Variants in GON4L observed in about 807,000 individuals in gnomAD.
GON4L encodes the protein GON-4-like protein.
In GON4L, 87 loss-of-function variants were observed where a neutral mutation model predicts 211.8. The ratio of observed to expected loss-of-function variants is 0.41; its 90% confidence interval spans 0.35 to 0.49. The LOEUF is 0.49. GON4L is among the 20% of genes least tolerant of loss of function. The pLI is 0.15. For missense variants in GON4L, 2,155 were observed against 2,659.5 expected, an observed-to-expected ratio of 0.81 and a Z score of 4.17; for synonymous variants, 875 against 962.6, an observed-to-expected ratio of 0.91 and a Z score of 1.68.
At chr1:155,800,505 C>T (rs751621014) in intron 11 of GON4L, among the ~76,000 whole-genome samples, 3 of 148,184 alleles carry the variant, frequency 2.0e-5, no homozygotes, top group South Asian at 4.3e-4. Flanking sequence ...TGCGGTGAGC[C>T]GAGATCGCGC....
intron 14 of GON4L, among the ~76,000 whole-genome samples, chr1:155,782,192 T>C (rs530931667): frequency 3.3e-5 from 5 of 152,362 alleles, no homozygotes; most frequent in African/African-American, 9.6e-5. Flanking sequence ...TTACTATCTA[T>C]GGACTTACAG....
At chr1:155,819,963 G>A (rs1343188705) in intron 6 of GON4L, among the ~76,000 whole-genome samples, 3 of 152,266 alleles carry the variant, frequency 2.0e-5, no homozygotes, top group African/African-American at 7.2e-5. Context: ...TGCCCAGGCT[G>A]TAGTGCAGTG....
Position 155,749,721 on chromosome 1 carries a change from C to G in GON4L, c.*863G>C. 1.0e-6 allele frequency: 1 copy of G among 982,338 alleles called. No individual in the cohort carries two copies. The highest frequency in any genetic ancestry group is 1.4e-6 in the Non-Finnish European group (1 of 717,452). The allele number at this position is 982,338 out of a possible 1,614,324, so 60.9% of individuals were successfully genotyped here. A position where few individuals can be genotyped will look rare whatever the true frequency, so the allele number is the denominator to read the frequency against. ...GGATTAAAAGTGCTGAAAAAGTCCA[C>G]AGTTAAACATTCCTTTATTCACCCT... is the stretch of plus-strand genomic sequence containing the variant. On this transcript the variant is annotated 3_prime_UTR_variant, in exon 32 of 32. Transcript: ENST00000368331.
chr1:155,849,773 C>CAAAAAA (rs11330008), intron 2 of GON4L, among the ~76,000 whole-genome samples: 9 of 77,334 alleles, frequency 1.2e-4, no homozygotes, highest in South Asian at 4.5e-4. Context: ...GACTCCGTCT[C>CAAAAAA]AAAAAAAAAA....
chr1:155,776,436 G>A lies in GON4L; in HGVS notation c.2137C>T (p.Pro713Ser), dbSNP rs1256703089. Reference protein sequence around the residue: ...TQIHLLATCNPNLNPEATTTR... With the variant: ...TQIHLLATCNSNLNPEATTTR... ...GTAGTGGCCTCCGGATTGAGGTTGG[G>A]GTTGCAGGTGGCAAGAAGGTGGATT... Residue 713 changes from proline (P) to serine (S), a missense_variant, in exon 16 of 32, where the codon CCC (proline) becomes TCC (serine). Physicochemically the swap from Pro to Ser is moderately conservative, Grantham distance 74 (BLOSUM62 -1). Transcript: ENST00000368331. 1.2e-6 allele frequency: 2 copies of A among 1,613,524 alleles called. No individual in the cohort carries two copies. The highest frequency in any genetic ancestry group is 3.3e-4 in the Middle Eastern group (2 of 6,030).
At chr1:155,827,193 C>T (rs1348256210) in intron 2 of GON4L, among the ~76,000 whole-genome samples, 165 bp from the exon 3 acceptor site, 2 of 152,190 alleles carry the variant, frequency 1.3e-5, no homozygotes, top group African/African-American at 4.8e-5. Context: ...ATCCAATTTA[C>T]TCATCTGTAA....
intron 2 of GON4L, among the ~76,000 whole-genome samples, chr1:155,833,998 A>C (rs1670062967): frequency 6.6e-6 from 1 of 151,856 alleles, no homozygotes; most frequent in South Asian, 2.1e-4. Context: ...CTAATTTTTA[A>C]AATTTTCTGT....
At chr1:155,844,281 G>C (rs920844992) in intron 2 of GON4L, among the ~76,000 whole-genome samples, 2 of 152,192 alleles carry the variant, frequency 1.3e-5, no homozygotes, top group African/African-American at 4.8e-5. Context: ...CAACAGACTA[G>C]TCTTGGATTG....
At position 155,753,358 on chromosome 1, in the gene GON4L, G is replaced by A; in HGVS notation, c.5688C>T (p.Ser1896=). 1 of 1,613,606 alleles carries A rather than the reference G, an allele frequency of 6.2e-7. No individual in the cohort carries two copies. The highest frequency in any genetic ancestry group is 8.5e-7 in the Non-Finnish European group (1 of 1,179,662). ...GCATAGGACTAGCCTCTCGGTGGGG[G>A]CTGCTGCCCACCAACTCATGGGGCT... ...SKEPHELVGS[S]PHREASPMPG... Residue 1896 remains serine, a synonymous_variant, in exon 29 of 32, where the codon AGC becomes AGT. Transcript: ENST00000368331.
At chr1:155,839,077 GA>G (rs897113233) in intron 2 of GON4L, among the ~76,000 whole-genome samples, 4 of 151,994 alleles carry the variant, frequency 2.6e-5, no homozygotes, top group African/African-American at 9.7e-5. Context: ...TTTTTATTGA[GA>G]AAAAGAATAA....
chr1:155,783,714 T>C (rs1346571480), intron 14 of GON4L, among the ~76,000 whole-genome samples: 1 of 152,220 alleles, frequency 6.6e-6, no homozygotes. Context: ...GAGTCCTACA[T>C]ACCTCTCCAG....
intron 2 of GON4L, among the ~76,000 whole-genome samples, chr1:155,846,975 G>A (rs778848847): frequency 1.3e-5 from 2 of 152,044 alleles, no homozygotes; most frequent in Non-Finnish European, 2.9e-5. Flanking sequence ...ACTACGGCCT[G>A]GGAAACAAGA....
intron 3 of GON4L, 38 bp from the exon 4 acceptor site, chr1:155,822,514 T>A: frequency 6.6e-7 from 1 of 1,509,126 alleles, no homozygotes; most frequent in Non-Finnish European, 9.2e-7. Context: ...AATTCCAAAA[T>A]AGCTGCTCCA....
intron 2 of GON4L, among the ~76,000 whole-genome samples, chr1:155,850,171 C>G (rs1309272584): frequency 3.3e-5 from 5 of 152,004 alleles, no homozygotes; most frequent in African/African-American, 4.8e-5. Flanking sequence ...AAGTATTTGT[C>G]CACATCAACT....
chr1:155,789,022 G>A (rs545067426), intron 12 of GON4L, among the ~76,000 whole-genome samples: 43 of 151,598 alleles, frequency 2.8e-4, no homozygotes, highest in Non-Finnish European at 5.0e-4. Flanking sequence ...CCTGGTAGGC[G>A]GAGCTTGCAG....
chr1:155,763,585 T>TACTTATAATG, intron 21 of GON4L, 21 bp from the exon 22 acceptor site: 1 of 1,524,782 alleles, frequency 6.6e-7, no homozygotes, highest in African/African-American at 1.4e-5. Flanking sequence ...CTCCAAAGAG[T>TACTTATAATG]ACTTATAATG....
rs2101730959 is a variant in GON4L at position 155,765,042 on chromosome 1, T to C, written c.4431A>G (p.Ser1477=). Residue 1477 remains serine, a synonymous_variant, in exon 21 of 32, where the codon TCA becomes TCG. Coordinates refer to ENST00000368331, the MANE Select transcript of GON4L (RefSeq NM_001282860.2). The part of the protein sequence containing the change: ...DLTQDEEDEM[S]SASEESVLSV... ...AAAGCACAGATTCCTCAGAAGCTGA[T>C]GACATTTCATCTTCCTCATCTTGGG... is the stretch of plus-strand genomic sequence containing the variant. The C allele has an allele frequency of 3.1e-6, 5 of 1,613,546 alleles. No individual in the cohort carries two copies. The highest frequency in any genetic ancestry group is 2.2e-5 in the East Asian group (1 of 44,880).
intron 18 of GON4L, among the ~76,000 whole-genome samples, chr1:155,772,611 A>G (rs1307106553): frequency 6.6e-6 from 1 of 151,350 alleles, no homozygotes; most frequent in Non-Finnish European, 1.5e-5. Context: ...AAAAAAATTT[A>G]GCCATGTATG....
chr1:155,855,721 G>A (rs546178139), intron 1 of GON4L, among the ~76,000 whole-genome samples: 4 of 152,102 alleles, frequency 2.6e-5, no homozygotes, highest in African/African-American at 7.2e-5. Context: ...AGTGGCTCAC[G>A]CCTGTAATCC....
Sources: gnomAD v4.1 joint callset for allele counts (sites outside exome capture counted in the v4.1 genomes callset) on GRCh38, gnomAD v4.1.1 for gene constraint, MANE v1.5 for transcripts, NCBI Gene and HGNC (gene_info 2026-07-23, HGNC 2026-07-21) for gene names.